Variants in DBT observed in about 807,000 individuals in gnomAD.
DBT encodes the protein lipoamide acyltransferase component of branched-chain alpha-keto acid dehydrogenase complex, mitochondrial.
In DBT, 40 loss-of-function variants were observed where a neutral mutation model predicts 51.3. The ratio of observed to expected loss-of-function variants is 0.78; its 90% CI spans 0.61 to 1.02. DBT has a LOEUF of 1.02. Among genes scored for constraint, DBT ranks in the 50% least tolerant of loss-of-function variants. The pLI, the probability that DBT is intolerant of heterozygous loss-of-function variation, is 0.00. For synonymous variants in DBT, 181 were observed against 190.4 expected (o/e 0.95, Z 0.41); for missense variants, 510 against 580.2 (o/e 0.88, Z 1.24).
chr1:100,213,420 C>T (rs1662279799), intron 7 of DBT: 1 of 1,585,350 alleles, frequency 6.3e-7, no homozygotes, highest in Admixed American at 1.7e-5. Context: ...CCGCCCTACT[C>T]CTACCTCGTC....
intron 2 of DBT, among the ~76,000 whole-genome samples, chr1:100,237,103 G>A (rs1570842576): frequency 1.3e-5 from 2 of 152,302 alleles, no homozygotes; most frequent in East Asian, 1.9e-4. Flanking sequence ...GAAGTGAAGT[G>A]TGAAGGTTCA....
chr1:100,225,503 T>C (rs1663139355), intron 4 of DBT, among the ~76,000 whole-genome samples: 1 of 152,120 alleles, frequency 6.6e-6, no homozygotes, highest in South Asian at 2.1e-4. Flanking sequence ...AAGTTGGATC[T>C]TACTTGAGAT....
At chr1:100,235,007 T>C (rs1663784050) in intron 3 of DBT, among the ~76,000 whole-genome samples, 1 of 152,244 alleles carries the variant, frequency 6.6e-6, no homozygotes, top group Non-Finnish European at 1.5e-5. Context: ...GAAAGGCTTT[T>C]GTCTGTTTCA....
Position 100,240,798 on chromosome 1 carries a change from C to G in DBT, c.138G>C (p.Lys46Asn). The change falls in exon 2 of 11, where the codon AAG becomes AAC. Residue 46 changes from lysine (K) to asparagine (N), a missense_variant. Transcript: ENST00000370132. ...TCAGGAAGTGATGTGGATGACTATA[C>G]TTGAATGAAGGATAACCAAAGAAAC... ...YVCFFGYPSF[K>N]YSHPHHFLKT... The G allele has an allele frequency of 6.2e-7, 1 of 1,607,484 alleles. No homozygotes were observed. The highest frequency in any genetic ancestry group is 8.5e-7 in the Non-Finnish European group (1 of 1,174,592).
intron 8 of DBT, among the ~76,000 whole-genome samples, chr1:100,208,910 C>A (rs370474481): frequency 4.9e-3 from 529 of 109,000 alleles, no homozygotes; most frequent in South Asian, 5.7e-3. Flanking sequence ...GACTCTGTAT[C>A]AAAAAAAAAA....
intron 10 of DBT, among the ~76,000 whole-genome samples, chr1:100,203,214 A>G (rs1661558391): frequency 6.6e-6 from 1 of 152,200 alleles, no homozygotes; most frequent in African/African-American, 2.4e-5. Flanking sequence ...TGGACTAATA[A>G]AGAAGAAAAG....
At chr1:100,212,769 C>G (rs954526344) in intron 7 of DBT, among the ~76,000 whole-genome samples, 1 of 152,140 alleles carries the variant, frequency 6.6e-6, no homozygotes, top group East Asian at 1.9e-4. Flanking sequence ...TCGAGAAGAA[C>G]GGGCACTTCA....
intron 10 of DBT, among the ~76,000 whole-genome samples, chr1:100,203,179 T>C (rs1157977716): frequency 6.6e-6 from 1 of 152,066 alleles, no homozygotes; most frequent in Non-Finnish European, 1.5e-5. Context: ...TTTGAAAAGA[T>C]TAACAAAATT....
chr1:100,209,265 A>AT (rs949648319), intron 8 of DBT, among the ~76,000 whole-genome samples: 12 of 148,222 alleles, frequency 8.1e-5, no homozygotes, highest in South Asian at 2.1e-4. Context: ...TGCCTGGCTA[A>AT]TTTTTTTTTT....
chr1:100,241,366 TTGTGTGTGTGTGTGTGTGTG>T (rs58256713), intron 1 of DBT, among the ~76,000 whole-genome samples: 5 of 144,010 alleles, frequency 3.5e-5, no homozygotes, highest in East Asian at 2.1e-4. Context: ...CTGAAAGGTA[TTGTGTGTGTGTGTGTGTGTG>T]TGTGTGTGTG....
chr1:100,196,720 T>G, intron 10 of DBT: 1 of 391,256 alleles, frequency 2.6e-6, no homozygotes, highest in Non-Finnish European at 4.6e-6. Context: ...AATAATTATT[T>G]ACTGTATACC....
In DBT at chr1:100,206,260, T is replaced by C. The variant is rs1220716552; in HGVS notation, c.1251A>G (p.Glu417=). Residue 417 remains glutamate, a synonymous_variant, in exon 10 of 11, where the codon GAA becomes GAG. Transcript: ENST00000370132. ...TTGATCCAAGGGCCCCAATGGCTAC[T>C]TCAGGTGGCATTATCACTGGTTTGG... ...TFAKPVIMPP[E]VAIGALGSIK... is the part of the protein sequence containing the mutation. 1.2e-6 allele frequency: 2 copies of C among 1,613,232 alleles called. No homozygotes were observed. Among genetic ancestry groups the C allele is most frequent in the African/African-American group, 2.7e-5 (2 of 74,812 alleles).
At chr1:100,243,953 A>AG (rs1262261687) in intron 1 of DBT, among the ~76,000 whole-genome samples, 2 of 151,250 alleles carry the variant, frequency 1.3e-5, no homozygotes, top group South Asian at 4.2e-4. Flanking sequence ...AAAAAAAAAA[A>AG]AGAGACATAG....
chr1:100,199,304 A>G (rs185137310), intron 10 of DBT, among the ~76,000 whole-genome samples: 20 of 152,248 alleles, frequency 1.3e-4, no homozygotes, highest in Admixed American at 1.1e-3. Flanking sequence ...GCTTTTAACT[A>G]ACACTCCCAG....
intron 8 of DBT, among the ~76,000 whole-genome samples, chr1:100,207,039 A>G (rs1174791751): frequency 6.6e-6 from 1 of 152,186 alleles, no homozygotes; most frequent in Non-Finnish European, 1.5e-5. Context: ...AGATTGTGCC[A>G]CTGCACTCCA....
rs1057524189 is a variant in DBT at position 100,230,715 on chromosome 1, T to C, written c.433+18A>G. The C allele has an allele frequency of 3.2e-6, 5 of 1,557,474 alleles. No homozygotes were observed. The highest frequency in any genetic ancestry group is 4.4e-6 in the Non-Finnish European group (5 of 1,133,624). On this transcript the variant is annotated intron_variant, in intron 4 of 10. Transcript: ENST00000370132. Reference sequence around the variant, plus strand: ...CCAATAATCAATTTGGTAAAATAGATTAACAGACTTACAATACCTTTTAAA... The same window carrying C: ...CCAATAATCAATTTGGTAAAATAGACTAACAGACTTACAATACCTTTTAAA...
intron 7 of DBT, 77 bp from the exon 8 acceptor site, chr1:100,210,848 T>C (rs1662096405): frequency 1.3e-6 from 2 of 1,591,788 alleles, no homozygotes; most frequent in African/African-American, 1.3e-5. Flanking sequence ...ATAAGAGGTA[T>C]AAAAGGAGGG....
intron 4 of DBT, among the ~76,000 whole-genome samples, chr1:100,219,158 C>G (rs1662679937): frequency 6.6e-6 from 1 of 152,068 alleles, no homozygotes; most frequent in Non-Finnish European, 1.5e-5. Flanking sequence ...TCAAGACTAG[C>G]TGAGGCAACA....
intron 5 of DBT, among the ~76,000 whole-genome samples, chr1:100,216,679 A>G (rs953890525): frequency 2.0e-5 from 3 of 152,248 alleles, no homozygotes; most frequent in Non-Finnish European, 4.4e-5. Flanking sequence ...GGGAGAGCTG[A>G]GAATTTAAGA....
Sources: allele counts gnomAD v4.1 joint callset (sites outside exome capture counted in the v4.1 genomes callset), GRCh38; gene constraint gnomAD v4.1.1; transcripts MANE v1.5; gene names NCBI Gene and HGNC (gene_info 2026-07-23, HGNC 2026-07-21).